ZNRF3: variants seen among roughly 807,000 people sequenced by gnomAD.
ZNRF3 encodes the protein E3 ubiquitin-protein ligase ZNRF3.
A neutral mutation model predicts 72.5 loss-of-function variants in ZNRF3; 23 were observed. The ratio of observed to expected loss-of-function variants is 0.32; its 90% CI spans 0.23 to 0.45. The LOEUF is 0.45. Among genes scored for constraint, ZNRF3 ranks in the 20% least tolerant of loss-of-function variants. ZNRF3 has a pLI of 1.00. For synonymous variants in ZNRF3, 610 were observed against 545.3 expected (o/e 1.12, Z -1.65); for missense variants, 1,169 against 1,272.1 (o/e 0.92, Z 1.23).
chr22:28,883,969 C>A lies in ZNRF3; in HGVS notation c.203C>A (p.Ser68Ter). The change falls in exon 1 of 9, where the codon TCG (serine) becomes TAG (stop). Residue 68 changes from serine to a stop codon, truncating the protein, a stop_gained. Coordinates refer to ENST00000544604, the MANE Select transcript of ZNRF3 (RefSeq NM_001206998.2). LOFTEE classifies it high-confidence loss of function. This position sits in a 1 kb window ranked among gnomAD's most constrained non-coding sequence, Gnocchi z 5.5. ...TAFVEVVLFE[S>*]SPSGDYTTYT... Reference sequence around the variant, plus strand: ...TTCGTGGAGGTGGTGCTGTTCGAGTCGAGCCCAAGCGGCGATTACACCACC... The same window carrying A: ...TTCGTGGAGGTGGTGCTGTTCGAGTAGAGCCCAAGCGGCGATTACACCACC... 7.6e-7 allele frequency: 1 copy of A among 1,307,506 alleles called. No homozygotes were observed. The highest frequency in any genetic ancestry group is 1.4e-5 in the South Asian group (1 of 72,712). The allele number at this position is 1,307,506 out of a possible 1,614,324, so 81.0% of individuals were successfully genotyped here.
intron 1 of ZNRF3, among the ~76,000 whole-genome samples, chr22:28,912,463 G>T (rs904647511): frequency 3.9e-4 from 60 of 152,094 alleles, no homozygotes; most frequent in Admixed American, 3.9e-3. Context: ...GGATCAAGGA[G>T]CCCGCCTCTT....
intron 2 of ZNRF3, among the ~76,000 whole-genome samples, chr22:29,041,328 G>C (rs1255500619): frequency 6.6e-6 from 1 of 152,024 alleles, no homozygotes; most frequent in Non-Finnish European, 1.5e-5. Context: ...TTATTTTTTA[G>C]ATAATGGGGT....
At chr22:28,944,071 C>G in intron 1 of ZNRF3, among the ~76,000 whole-genome samples, 1 of 150,258 alleles carries the variant, frequency 6.7e-6, no homozygotes, top group Admixed American at 6.6e-5. Context: ...AGAGGAGAGT[C>G]TAAAATAAAA....
intron 1 of ZNRF3, among the ~76,000 whole-genome samples, chr22:28,891,224 G>C (rs2033879427): frequency 6.6e-6 from 1 of 152,222 alleles, no homozygotes; most frequent in Non-Finnish European, 1.5e-5. Context: ...ACATAAGGTA[G>C]AGATGACCCA....
chr22:28,925,134 T>G (rs1360693302), intron 1 of ZNRF3, among the ~76,000 whole-genome samples: 1 of 152,220 alleles, frequency 6.6e-6, no homozygotes, highest in Non-Finnish European at 1.5e-5. Context: ...TAGCAAATCT[T>G]GCTGACAGAT....
chr22:29,043,178 G>C, intron 3 of ZNRF3, 121 bp from the exon 4 acceptor site: 1 of 1,165,576 alleles, frequency 8.6e-7, no homozygotes, highest in South Asian at 1.7e-5. Flanking sequence ...AGGCTGTAAT[G>C]TTGGAAGAGC....
chr22:28,982,352 CT>C (rs1205688116), intron 1 of ZNRF3, among the ~76,000 whole-genome samples: 6 of 145,700 alleles, frequency 4.1e-5, no homozygotes, highest in African/African-American at 1.6e-4. Context: ...AATTCCAGCA[CT>C]TTGGGAGGCT....
chr22:28,894,421 G>T (rs543696384), intron 1 of ZNRF3, among the ~76,000 whole-genome samples: 35 of 150,074 alleles, frequency 2.3e-4, no homozygotes, highest in Admixed American at 7.3e-4. Context: ...CGTGGCATCT[G>T]GGTGCCTCCC....
intron 2 of ZNRF3, among the ~76,000 whole-genome samples, chr22:29,040,633 G>A (rs1039706721): frequency 2.0e-5 from 3 of 152,302 alleles, no homozygotes; most frequent in African/African-American, 4.8e-5. Flanking sequence ...TAGCAATCTG[G>A]TGATGAAACA....
At chr22:28,975,459 G>T (rs1017120546) in intron 1 of ZNRF3, among the ~76,000 whole-genome samples, 1 of 134,638 alleles carries the variant, frequency 7.4e-6, no homozygotes, top group African/African-American at 2.8e-5. Context: ...CCGAGATCGA[G>T]ATCGGGCCAC....
chr22:28,934,880 C>T (rs1262008813), intron 1 of ZNRF3, among the ~76,000 whole-genome samples: 1 of 151,246 alleles, frequency 6.6e-6, no homozygotes, highest in Non-Finnish European at 1.5e-5. Flanking sequence ...TCCTGTTCTT[C>T]CTGTAGATAT....
chr22:28,943,675 A>G (rs2034992241), intron 1 of ZNRF3, among the ~76,000 whole-genome samples: 1 of 151,784 alleles, frequency 6.6e-6, no homozygotes, highest in African/African-American at 2.4e-5. Context: ...ATTAACACAC[A>G]TGGGGGGGGA....
chr22:29,021,097 G>A (rs1286812333), intron 2 of ZNRF3, among the ~76,000 whole-genome samples: 1 of 151,846 alleles, frequency 6.6e-6, no homozygotes. Flanking sequence ...CACTCGGCCT[G>A]TTTTAAAAAT....
At chr22:28,946,803 A>T (rs1001831735) in intron 1 of ZNRF3, among the ~76,000 whole-genome samples, 1 of 152,146 alleles carries the variant, frequency 6.6e-6, no homozygotes, top group Non-Finnish European at 1.5e-5. Context: ...GGCTGTTGAT[A>T]GTTGAAAGAT....
intron 5 of ZNRF3, 88 bp downstream of exon 5, chr22:29,044,978 A>G: frequency 2.3e-6 from 2 of 878,054 alleles, no homozygotes; most frequent in East Asian, 5.0e-5. Flanking sequence ...TTATTTTTTG[A>G]TGGTGCAACA....
At position 29,048,485 on chromosome 22, in the gene ZNRF3, A is replaced by T; in HGVS notation, c.1009A>T (p.Ile337Phe). The part of the protein sequence containing the change: ...HHTCPHCRHN[I>F]IEQKGNPSAV... Reference sequence around the variant, plus strand: ...CACCTGCCCCCACTGTCGGCACAACATCATAGGTAACTGTCACCCGCCTTA... The same window carrying T: ...CACCTGCCCCCACTGTCGGCACAACTTCATAGGTAACTGTCACCCGCCTTA... The change falls in exon 7 of 9, where the codon ATC (isoleucine) becomes TTC (phenylalanine). Residue 337 changes from isoleucine to phenylalanine, a missense_variant. Ile to Phe is a conservative substitution (Grantham distance 21). This residue lies in a region of ZNRF3 where 386 missense variants were observed against 540.7 expected (regional missense o/e 0.71). Transcript: ENST00000544604. This position sits in a 1 kb window ranked among gnomAD's most constrained non-coding sequence, Gnocchi z 4.9. 6.2e-7 allele frequency: 1 copy of T among 1,614,076 alleles called. No individual in the cohort carries two copies. Among genetic ancestry groups the T allele is most frequent in the Non-Finnish European group, 8.5e-7 (1 of 1,179,966 alleles).
chr22:29,032,115 T>C (rs142911893), intron 2 of ZNRF3, among the ~76,000 whole-genome samples: 1 of 152,296 alleles, frequency 6.6e-6, no homozygotes, highest in East Asian at 1.9e-4. Context: ...GTGGCCATAT[T>C]TCTCCGCAGG....
At chr22:29,037,932 C>CTGTG (rs901559160) in intron 2 of ZNRF3, among the ~76,000 whole-genome samples, 1 of 152,196 alleles carries the variant, frequency 6.6e-6, no homozygotes, top group African/African-American at 2.4e-5. Flanking sequence ...AACTTCCCAC[C>CTGTG]TGTGTTCTGC....
intron 2 of ZNRF3, among the ~76,000 whole-genome samples, chr22:29,004,783 C>T (rs1346611635): frequency 6.6e-6 from 1 of 152,190 alleles, no homozygotes; most frequent in East Asian, 1.9e-4. Flanking sequence ...TTGATCACCT[C>T]CCGCCCGGTT....
Sources: allele counts gnomAD v4.1 joint callset (sites outside exome capture counted in the v4.1 genomes callset), GRCh38; gene constraint gnomAD v4.1.1; regional missense constraint gnomAD v4.1.1; non-coding constraint Gnocchi (gnomAD v3.1); transcripts MANE v1.5; gene names NCBI Gene and HGNC (gene_info 2026-07-23, HGNC 2026-07-21).